Variants in TLE2 observed in about 807,000 individuals in gnomAD.
TLE2 encodes transducin-like enhancer protein 2.
Under a neutral mutation model 97.2 loss-of-function variants are expected in TLE2, and 74 were observed. The observed-to-expected ratio is 0.76, with a 90% CI of 0.63 to 0.92. The LOEUF (loss-of-function observed/expected upper bound fraction) is 0.92. Ranked by LOEUF, TLE2 falls within the 40% of genes least tolerant of loss-of-function variation. The pLI is 0.00. For missense variants in TLE2, 1,038 were observed against 1,008.7 expected, an observed-to-expected ratio of 1.03 and a Z score of -0.39; for synonymous variants, 499 against 432.1, an observed-to-expected ratio of 1.15 and a Z score of -1.92.
chr19:3,016,003 C>G (rs1226507561), intron 8 of TLE2: 1 of 600,558 alleles, frequency 1.7e-6, no homozygotes, highest in Admixed American at 2.1e-5. Context: ...GTGGAGCCAT[C>G]TCGGCCCACT....
chr19:3,019,912 C>T lies in TLE2; in HGVS notation c.295-139G>A. The T allele has an allele frequency of 8.5e-7, 1 of 1,170,878 alleles. No individual in the cohort carries two copies. The highest frequency in any genetic ancestry group is 2.6e-5 in the East Asian group (1 of 38,380). The allele number at this position is 1,170,878 out of a possible 1,614,324, so 72.5% of individuals were successfully genotyped here. A position where few individuals can be genotyped will look rare whatever the true frequency, so the allele number is the denominator to read the frequency against. ...CCATTTCTCTTTTATCTTTTTCCCT[C>T]TCACTCTCTCCCTTTCCTTTTGGAA... is the stretch of plus-strand genomic sequence containing the variant. On this transcript the variant is annotated intron_variant, in intron 5 of 19. Coordinates refer to ENST00000262953, the MANE Select transcript of TLE2 (RefSeq NM_003260.5). The surrounding 1 kb of genome is among the most constrained non-coding windows in gnomAD (Gnocchi z 5.1).
At chr19:3,021,088 C>CA (rs34363860) in intron 5 of TLE2, among the ~76,000 whole-genome samples, 248 of 15,474 alleles carry the variant, frequency 0.016, 30 homozygotes, top group Middle Eastern at 0.12. Flanking sequence ...GACCCAGTCT[C>CA]AAAAAAAAAA....
intron 19 of TLE2, among the ~76,000 whole-genome samples, chr19:2,998,238 TGTGTGTGTGTG>T (rs1280886994): frequency 0.012 from 18 of 1,536 alleles, no homozygotes; most frequent in Non-Finnish European, 0.056. Context: ...GCCCGGCCAA[TGTGTGTGTGTG>T]TGTGTGTGTG....
chr19:3,001,586 A>G (rs542725734), intron 18 of TLE2, among the ~76,000 whole-genome samples: 1 of 152,066 alleles, frequency 6.6e-6, no homozygotes, highest in East Asian at 1.9e-4. Context: ...CCTGGGCTCA[A>G]GCAATCCTCC....
Position 3,028,215 on chromosome 19 carries a change from G to A in TLE2, c.186+104C>T, listed in dbSNP as rs566499418. The A allele has an allele frequency of 2.5e-6, 3 of 1,207,364 alleles. No individual in the cohort carries two copies. In the African/African-American group the frequency reaches 4.5e-5, roughly 18 times the overall value. 74.8% of individuals were successfully genotyped at this position (1,207,364 alleles called of 1,614,324 possible). On this transcript the variant is annotated intron_variant, in intron 3 of 19. Coordinates refer to ENST00000262953, the MANE Select transcript of TLE2 (RefSeq NM_003260.5). ...TCCCAACCTGCCCAATGTACAGACGGGGAAGACGAGGTTCGGAGTGGGGCA... is the reference window on the plus strand; with the variant it reads ...TCCCAACCTGCCCAATGTACAGACGAGGAAGACGAGGTTCGGAGTGGGGCA...
chr19:3,030,045 C>T (rs2090010401), upstream of TLE2, among the ~76,000 whole-genome samples: 2 of 152,174 alleles, frequency 1.3e-5, no homozygotes, highest in Non-Finnish European at 2.9e-5. Flanking sequence ...GGACTCAAGC[C>T]TCTCTCTTCG....
chr19:3,008,083 G>GAAAAC (rs3831629), intron 14 of TLE2, among the ~76,000 whole-genome samples: 13 of 151,868 alleles, frequency 8.6e-5, no homozygotes, highest in South Asian at 4.2e-4. Context: ...CTCAGTCTCA[G>GAAAAC]AAAACAAAAC....
At chr19:3,016,171 G>C (rs1294706813) in intron 8 of TLE2, among the ~76,000 whole-genome samples, 1 of 151,700 alleles carries the variant, frequency 6.6e-6, no homozygotes, top group Non-Finnish European at 1.5e-5. Flanking sequence ...CCTGACCTCA[G>C]GTGATCCACC....
rs77687605 is a variant in TLE2, at chr19:3,025,705, G to C, written c.232-623C>G. ...AAGGGGGCGGGCATACAATGGCCAC[G>C]GACTTTGCCTCTGCCTGAGTTACAG... On this transcript the variant is annotated intron_variant, in intron 4 of 19. Coordinates refer to ENST00000262953, the MANE Select transcript of TLE2 (RefSeq NM_003260.5). 3.6e-3 allele frequency: 2,536 copies of C among 703,582 alleles called. 91 individuals carry two copies. The Admixed American group carries it at 0.074, about 21-fold the overall frequency. 43.6% of individuals were successfully genotyped at this position (703,582 alleles called of 1,614,324 possible). A position where few individuals can be genotyped will look rare whatever the true frequency, so the allele number is the denominator to read the frequency against.
rs748276409 is a variant in TLE2, at chr19:3,006,384, CTG to C, written c.1500+34_1500+35del. The C allele has an allele frequency of 3.8e-6, 6 of 1,597,762 alleles. No individual in the cohort carries two copies. The Admixed American group carries it at 8.4e-5, about 22-fold the overall frequency. On this transcript the variant is annotated intron_variant, in intron 15 of 19. Transcript: ENST00000262953. The stretch of plus-strand genomic sequence containing the variant: ...TTGGAACATAAGCCCCACCCCTCAC[CTG>C]TGAGTCCCGCCCACTGTCCCACCCC...
At chr19:3,016,893 C>T (rs985028955) in intron 8 of TLE2, among the ~76,000 whole-genome samples, 2 of 151,762 alleles carry the variant, frequency 1.3e-5, no homozygotes, top group African/African-American at 4.8e-5. Flanking sequence ...ATTCTTCTGC[C>T]TCAGCCTCCA....
At chr19:3,026,793 A>G (rs1019712776) in intron 4 of TLE2, among the ~76,000 whole-genome samples, 7 of 152,148 alleles carry the variant, frequency 4.6e-5, no homozygotes, top group Admixed American at 2.6e-4. Flanking sequence ...CAGAACCCTG[A>G]GGTTTATCTC....
At position 3,004,800 on chromosome 19, in the gene TLE2, T is replaced by C. The variant is rs552907825; in HGVS notation, c.1896+637A>G. On this transcript the variant is annotated intron_variant, in intron 17 of 19. Transcript: ENST00000262953. ...GAGGCCTCAGAGCTGTCCCGGAGTA[T>C]GGTGTGCATGAGACCAGCCCATGGA... Among the ~76,000 whole-genome samples, 8 of 152,044 alleles carry C rather than the reference T, an allele frequency of 5.3e-5. No homozygotes were observed. The East Asian group carries it at 1.2e-3, about 22-fold the overall frequency.
intron 9 of TLE2, among the ~76,000 whole-genome samples, chr19:3,015,323 G>C (rs1391867407): frequency 6.6e-6 from 1 of 152,212 alleles, no homozygotes; most frequent in Non-Finnish European, 1.5e-5. Flanking sequence ...GGTCAGGGAA[G>C]GCTTCTTGTA....
chr19:3,042,202 G>T (rs938716567), intron 1 of TLE2, among the ~76,000 whole-genome samples: 1 of 143,224 alleles, frequency 7.0e-6, no homozygotes, highest in African/African-American at 2.6e-5. Flanking sequence ...AGGGACAAAG[G>T]GGGAGGCGGC....
chr19:3,021,389 G>A (rs1293525886), intron 5 of TLE2, among the ~76,000 whole-genome samples: 1 of 151,018 alleles, frequency 6.6e-6, no homozygotes, highest in African/African-American at 2.4e-5. Context: ...GGGTGACAGA[G>A]CGAGACTCAG....
rs186096743 is a variant in TLE2, at chr19:3,001,942, C to T, written c.2047+411G>A. On this transcript the variant is annotated intron_variant, in intron 18 of 19. Transcript: ENST00000262953. ...CCTCCCAAGTAGCTGGGATTACAGG[C>T]GCCCACCACCACGCCTGGCTAATTT... Among the ~76,000 whole-genome samples, 199 of 151,882 alleles carry T rather than the reference C, an allele frequency of 1.3e-3. 1 individual carries two copies. The highest frequency in any genetic ancestry group is 1.1e-3 in the Non-Finnish European group (76 of 67,924).
At chr19:3,020,603 A>C (rs1281380925) in intron 5 of TLE2, 1 of 152,098 alleles carries the variant, frequency 6.6e-6, no homozygotes, top group Non-Finnish European at 1.5e-5. Context: ...TTTCTGTATA[A>C]TTCTGCCTCC....
At chr19:3,017,001 C>T (rs2089721632) in intron 8 of TLE2, among the ~76,000 whole-genome samples, 1 of 126,230 alleles carries the variant, frequency 7.9e-6, no homozygotes, top group African/African-American at 4.0e-5. Context: ...TGGTCTCGAA[C>T]TCCTGACCTC....
Sources: allele counts gnomAD v4.1 joint callset (sites outside exome capture counted in the v4.1 genomes callset), GRCh38; gene constraint gnomAD v4.1.1; non-coding constraint Gnocchi (gnomAD v3.1); transcripts MANE v1.5; gene names NCBI Gene and HGNC (gene_info 2026-07-23, HGNC 2026-07-21).